The following AIM2 variants were observed in gnomAD, a reference collection of about 807,000 sequenced individuals.
The protein encoded by AIM2 is absent in melanoma 2, also known as interferon-inducible protein AIM2.
AIM2 carries 30 observed loss-of-function variants against 27.7 expected under a neutral mutation model. That is an observed-to-expected ratio of 1.08 (90% confidence interval 0.81 to 1.47). The LOEUF (loss-of-function observed/expected upper bound fraction) is 1.47, where lower values mean the gene tolerates loss of function less well. Ranked by LOEUF, AIM2 falls within the 40% of genes most tolerant of loss-of-function variation. The probability of loss-of-function intolerance (pLI) is 0.00; values close to 1 mark genes in which losing one functional copy is unlikely to be tolerated. For synonymous variants in AIM2, 141 were observed against 145.3 expected (o/e 0.97, Z 0.21); for missense variants, 358 against 411.3 (o/e 0.87, Z 1.12).
chr1:159,080,029 T>G (rs1025557706), upstream of AIM2, among the ~76,000 whole-genome samples: 1 of 152,226 alleles, frequency 6.6e-6, no homozygotes, highest in African/African-American at 2.4e-5. Flanking sequence ...TCATTTCTTT[T>G]TAGCACTAAA....
At chr1:159,114,229 T>C (rs942558878) in intron 1 of AIM2, among the ~76,000 whole-genome samples, 50 of 152,002 alleles carry the variant, frequency 3.3e-4, no homozygotes, top group African/African-American at 1.2e-3. Flanking sequence ...TGAGGAGTCA[T>C]GAGGGACAAG....
At chr1:159,078,866 T>G (rs1337863446), upstream of AIM2, among the ~76,000 whole-genome samples, 1 of 152,194 alleles carries the variant, frequency 6.6e-6, no homozygotes, top group Admixed American at 6.5e-5. Flanking sequence ...CTGTAGCAAC[T>G]GGCCCAAGAA....
At chr1:159,071,477 T>C (rs543450604) in intron 2 of AIM2, among the ~76,000 whole-genome samples, 68 of 152,250 alleles carry the variant, frequency 4.5e-4, no homozygotes, top group Non-Finnish European at 8.8e-4. Flanking sequence ...AACTGCCTTC[T>C]TGTATAGCAT....
At chr1:159,085,510 G>A (rs1253011630) in intron 1 of AIM2, among the ~76,000 whole-genome samples, 2 of 152,178 alleles carry the variant, frequency 1.3e-5, no homozygotes, top group African/African-American at 2.4e-5. Flanking sequence ...AGCGGTGGAG[G>A]TGTTGCGTTT....
chr1:159,120,352 C>T (rs966579052), intron 1 of AIM2, among the ~76,000 whole-genome samples: 1 of 152,050 alleles, frequency 6.6e-6, no homozygotes, highest in African/African-American at 2.4e-5. Flanking sequence ...ATTAGATATG[C>T]AATTCAGTCA....
chr1:159,092,669 C>T (rs1657073885), intron 1 of AIM2, among the ~76,000 whole-genome samples: 1 of 152,122 alleles, frequency 6.6e-6, no homozygotes, highest in Admixed American at 6.5e-5. Flanking sequence ...AACCAAGATG[C>T]AGAGGAAAGA....
chr1:159,093,083 A>G lies in AIM2; in HGVS notation c.-15-26754T>C, dbSNP rs191920349. Among the ~76,000 whole-genome samples, 6 of 151,734 alleles carry G rather than the reference A, an allele frequency of 4.0e-5. No homozygotes were observed. In the East Asian group the frequency reaches 1.2e-3, roughly 29 times the overall value. ...AATAAATAAATAATTTGATCCCAGA[A>G]CTTTTACTTCCAGAGGCTGAAATCT... On this transcript the variant is annotated intron_variant, in intron 1 of 2. Transcript: ENST00000368129.
intron 1 of AIM2, among the ~76,000 whole-genome samples, chr1:159,090,002 T>C (rs1657010065): frequency 1.3e-5 from 2 of 152,182 alleles, no homozygotes; most frequent in Admixed American, 6.5e-5. Context: ...CAAGGTTGCA[T>C]CCTTCCATGG....
chr1:159,128,560 T>G (rs888309969), intron 1 of AIM2, among the ~76,000 whole-genome samples: 5 of 152,160 alleles, frequency 3.3e-5, no homozygotes, highest in Non-Finnish European at 7.3e-5. Context: ...ATCCGACTTC[T>G]TCACCTCTAT....
intron 1 of AIM2, among the ~76,000 whole-genome samples, chr1:159,075,634 A>AGCGC (rs1383133784): frequency 2.7e-5 from 4 of 150,756 alleles, no homozygotes; most frequent in African/African-American, 4.9e-5. Context: ...AGAGAGAGAG[A>AGCGC]GCTAATAGAG....
chr1:159,073,236 A>G lies in AIM2; in HGVS notation c.262+2T>C, dbSNP rs549808454. 6.2e-7 allele frequency: 1 copy of G among 1,614,026 alleles called. No individual in the cohort carries two copies. Among genetic ancestry groups the G allele is most frequent in the Non-Finnish European group, 8.5e-7 (1 of 1,179,914 alleles). ...GGGGCAGGTGTGGAACTCCCACATT[A>G]CCTTTCTCCTTCTCCTCCTGAAGAC... On this transcript the variant is annotated splice_donor_variant, in intron 2 of 5. Transcript: ENST00000368130. LOFTEE classifies it high-confidence loss of function.
At chr1:159,109,910 G>C (rs961088133) in intron 1 of AIM2, among the ~76,000 whole-genome samples, 6 of 152,100 alleles carry the variant, frequency 3.9e-5, no homozygotes, top group African/African-American at 1.4e-4. Context: ...AAAAATAGTA[G>C]ATGTTGGCAT....
At chr1:159,083,803 C>T (rs1656836847) in intron 1 of AIM2, among the ~76,000 whole-genome samples, 1 of 152,140 alleles carries the variant, frequency 6.6e-6, no homozygotes. Context: ...TAGAGAAAAA[C>T]AATAGCACTT....
At chr1:159,090,065 C>T (rs915670328) in intron 1 of AIM2, among the ~76,000 whole-genome samples, 3 of 152,176 alleles carry the variant, frequency 2.0e-5, no homozygotes, top group Admixed American at 6.5e-5. Context: ...AAGGTCACAG[C>T]CTTCTTGCCT....
At chr1:159,061,550 G>T (rs561210812), downstream of AIM2, among the ~76,000 whole-genome samples, 3 of 147,228 alleles carry the variant, frequency 2.0e-5, no homozygotes, top group East Asian at 5.9e-4. Flanking sequence ...CCACCACCGT[G>T]CCCGGCTATT....
intron 1 of AIM2, among the ~76,000 whole-genome samples, chr1:159,123,988 C>G (rs1647611504): frequency 6.6e-6 from 1 of 152,126 alleles, no homozygotes; most frequent in Non-Finnish European, 1.5e-5. Context: ...CTCCACTTTC[C>G]CAGATTCTTT....
upstream of AIM2, among the ~76,000 whole-genome samples, chr1:159,142,287 G>A (rs1056809607): frequency 6.6e-6 from 1 of 152,206 alleles, no homozygotes; most frequent in African/African-American, 2.4e-5. Flanking sequence ...AAGAGGTACA[G>A]GGAGTCTGAT....
intron 1 of AIM2, among the ~76,000 whole-genome samples, chr1:159,090,492 A>G (rs944016642): frequency 3.9e-5 from 6 of 152,190 alleles, no homozygotes; most frequent in African/African-American, 1.2e-4. Context: ...TAATTTTGTC[A>G]TTGTAATTGT....
intron 1 of AIM2, among the ~76,000 whole-genome samples, chr1:159,121,631 T>C (rs1268166235): frequency 3.3e-5 from 5 of 152,212 alleles, no homozygotes; most frequent in Non-Finnish European, 7.3e-5. Context: ...GAAACCACTC[T>C]CTGAGTGTCC....
Sources: allele counts gnomAD v4.1 joint callset (sites outside exome capture counted in the v4.1 genomes callset), GRCh38; gene constraint gnomAD v4.1.1; transcripts MANE v1.5; gene names NCBI Gene and HGNC (gene_info 2026-07-23, HGNC 2026-07-21).